The following LRP1B variants were observed in gnomAD, a reference collection of about 807,000 sequenced individuals.
The protein encoded by LRP1B is low-density lipoprotein receptor-related protein 1B.
A neutral mutation model predicts 556.6 loss-of-function variants in LRP1B; 217 were observed. The observed-to-expected ratio is 0.39, with a 90% CI of 0.35 to 0.44. The LOEUF (loss-of-function observed/expected upper bound fraction) is 0.44. Ranked by LOEUF, LRP1B falls within the 20% of genes least tolerant of loss-of-function variation. The probability of loss-of-function intolerance (pLI) is 1.00; values close to 1 mark genes in which losing one functional copy is unlikely to be tolerated. For synonymous variants in LRP1B, 2,047 were observed against 1,865.8 expected (o/e 1.10, Z -2.50); for missense variants, 5,053 against 5,620.8 (o/e 0.90, Z 3.23).
chr2:142,006,124 T>A (rs537279638), intron 1 of LRP1B, among the ~76,000 whole-genome samples: 1 of 152,210 alleles, frequency 6.6e-6, no homozygotes, highest in East Asian at 1.9e-4. Context: ...AATAAAAAAA[T>A]GAATGAGAAC....
chr2:140,506,759 C>T, intron 53 of LRP1B, 37 bp downstream of exon 53: 1 of 1,591,412 alleles, frequency 6.3e-7, no homozygotes, highest in East Asian at 2.3e-5. Context: ...GACTCTTAGC[C>T]TAGGAATCTC....
chr2:141,788,161 C>T (rs1418108289), intron 2 of LRP1B, among the ~76,000 whole-genome samples: 1 of 151,918 alleles, frequency 6.6e-6, no homozygotes, highest in East Asian at 1.9e-4. Context: ...TTATAAATCT[C>T]CAAAGAAAGA....
At chr2:140,777,788 A>C (rs963748145) in intron 32 of LRP1B, among the ~76,000 whole-genome samples, 2 of 152,162 alleles carry the variant, frequency 1.3e-5, no homozygotes, top group African/African-American at 4.8e-5. Flanking sequence ...AACAATTACA[A>C]AAGAAGAGTC....
intron 7 of LRP1B, among the ~76,000 whole-genome samples, chr2:141,168,531 G>A (rs1680363035): frequency 6.6e-6 from 1 of 151,770 alleles, no homozygotes; most frequent in Non-Finnish European, 1.5e-5. Flanking sequence ...AACTTAGAGA[G>A]AAAATTTTGC....
At chr2:140,634,279 G>T (rs1204606620) in intron 41 of LRP1B, among the ~76,000 whole-genome samples, 1 of 152,090 alleles carries the variant, frequency 6.6e-6, no homozygotes, top group Non-Finnish European at 1.5e-5. Context: ...CAAAGTAGAA[G>T]TACAGAAGGG....
chr2:140,999,329 G>A (rs1697343723), intron 15 of LRP1B, among the ~76,000 whole-genome samples: 1 of 151,992 alleles, frequency 6.6e-6, no homozygotes, highest in Admixed American at 6.6e-5. Context: ...ATTGTCTAGT[G>A]CAATGAGTAT....
intron 1 of LRP1B, among the ~76,000 whole-genome samples, chr2:141,975,281 A>G (rs1701853986): frequency 6.6e-6 from 1 of 152,060 alleles, no homozygotes; most frequent in Non-Finnish European, 1.5e-5. Context: ...TTTGCCTTCT[A>G]AAGGAATAAC....
chr2:141,295,117 T>C (rs1686132222), intron 3 of LRP1B, among the ~76,000 whole-genome samples: 1 of 152,174 alleles, frequency 6.6e-6, no homozygotes, highest in African/African-American at 2.4e-5. Flanking sequence ...ATGTTATTTA[T>C]ATTTCTTGCT....
intron 83 of LRP1B, among the ~76,000 whole-genome samples, chr2:140,300,613 A>C (rs1683781544): frequency 6.6e-6 from 1 of 152,108 alleles, no homozygotes; most frequent in South Asian, 2.1e-4. Flanking sequence ...TGGGCTCTAA[A>C]TCAGTCTAGT....
At chr2:141,049,276 C>T in intron 10 of LRP1B, 54 bp from the exon 11 acceptor site, 4 of 1,150,510 alleles carry the variant, frequency 3.5e-6, no homozygotes. Context: ...ATCTTCTTTA[C>T]ACTGCATAAT....
intron 74 of LRP1B, among the ~76,000 whole-genome samples, chr2:140,357,476 A>G (rs1202554940): frequency 2.0e-5 from 3 of 151,626 alleles, no homozygotes; most frequent in Non-Finnish European, 4.4e-5. Context: ...AATATAAAAA[A>G]TCAAATACCA....
intron 7 of LRP1B, among the ~76,000 whole-genome samples, chr2:141,159,366 GAA>G (rs1702147361): frequency 6.6e-6 from 1 of 152,054 alleles, no homozygotes; most frequent in South Asian, 2.1e-4. Context: ...TTTAAATCAG[GAA>G]AGTCATTAAT....
At position 141,981,700 on chromosome 2, in the gene LRP1B, T is replaced by A. The variant is rs940444990; in HGVS notation, c.82+148948A>T. Among the ~76,000 whole-genome samples, 8 of 152,248 alleles carry A rather than the reference T, an allele frequency of 5.3e-5. No individual in the cohort carries two copies. The South Asian group carries it at 1.7e-3, about 32-fold the overall frequency. On this transcript the variant is annotated intron_variant, in intron 1 of 90. Coordinates refer to ENST00000389484, the MANE Select transcript of LRP1B (RefSeq NM_018557.3). ...TTTACTCTTTTTTCTTGATGCAGATTTAGTGCCAGAAGTGGCTTCTTGGCC... is the reference window on the plus strand; with the variant it reads ...TTTACTCTTTTTTCTTGATGCAGATATAGTGCCAGAAGTGGCTTCTTGGCC...
At chr2:140,994,900 T>C (rs1697197840) in intron 15 of LRP1B, among the ~76,000 whole-genome samples, 1 of 152,056 alleles carries the variant, frequency 6.6e-6, no homozygotes, top group African/African-American at 2.4e-5. Flanking sequence ...ACAGCCATCT[T>C]TGAGAAAAAG....
At chr2:141,902,424 T>G (rs1321102645) in intron 1 of LRP1B, among the ~76,000 whole-genome samples, 1 of 151,986 alleles carries the variant, frequency 6.6e-6, no homozygotes, top group Admixed American at 6.6e-5. Context: ...AAAATCCATT[T>G]GACAATAATC....
chr2:141,691,845 CT>C (rs1266847487), intron 2 of LRP1B, among the ~76,000 whole-genome samples: 3 of 151,980 alleles, frequency 2.0e-5, no homozygotes, highest in Non-Finnish European at 4.4e-5. Flanking sequence ...CCATCTGCCC[CT>C]GTACCTCTCC....
intron 41 of LRP1B, among the ~76,000 whole-genome samples, chr2:140,661,668 A>C (rs72979837): frequency 0.014 from 2,199 of 152,256 alleles, 51 homozygotes; most frequent in African/African-American, 0.05. Flanking sequence ...TCCAGTCTCA[A>C]AACAACAACA....
intron 56 of LRP1B, among the ~76,000 whole-genome samples, chr2:140,493,993 A>T (rs1322162147): frequency 6.6e-6 from 1 of 152,208 alleles, no homozygotes; most frequent in Non-Finnish European, 1.5e-5. Context: ...TTTCTCAATT[A>T]TAAATATAAA....
chr2:141,133,422 A>C lies in LRP1B; in HGVS notation c.1013+54999T>G, dbSNP rs190686270. Among the ~76,000 whole-genome samples, 3 of 152,060 alleles carry C rather than the reference A, an allele frequency of 2.0e-5. No homozygotes were observed. In the East Asian group the frequency reaches 5.8e-4, roughly 29 times the overall value. ...ATCCTAACTTGCAACGGACATTAAG[A>C]TTCGGAGACTTATTGGATGGATAAC... On this transcript the variant is annotated intron_variant, in intron 7 of 90. Transcript: ENST00000389484.
Sources: gnomAD v4.1 joint callset for allele counts (sites outside exome capture counted in the v4.1 genomes callset) on GRCh38, gnomAD v4.1.1 for gene constraint, MANE v1.5 for transcripts, NCBI Gene and HGNC (gene_info 2026-07-23, HGNC 2026-07-21) for gene names.